CHD2: variants seen among roughly 807,000 people sequenced by gnomAD.
CHD2 encodes the protein chromodomain helicase DNA binding protein 2, also known as ATP-dependent chromatin remodeler CHD2.
A neutral mutation model predicts 243.9 loss-of-function variants in CHD2; 28 were observed. That is an observed-to-expected ratio of 0.11 (90% confidence interval 0.09 to 0.16). CHD2 has a LOEUF of 0.16. Among genes scored for constraint, CHD2 ranks in the 10% least tolerant of loss-of-function variants. The pLI, the probability that CHD2 is intolerant of heterozygous loss-of-function variation, is 1.00. For missense variants in CHD2, 1,386 were observed against 2,209.8 expected (o/e 0.63, Z 7.47); for synonymous variants, 775 against 779.0 (o/e 0.99, Z 0.09).
Position 93,016,081 on chromosome 15 carries a change from C to T in CHD2, c.4906+1172C>T, listed in dbSNP as rs1295559357. On this transcript the variant is annotated intron_variant, in intron 37 of 38. Coordinates refer to ENST00000394196, the MANE Select transcript of CHD2 (RefSeq NM_001271.4). ...TACATATTCATTGCAGCATTATTTA[C>T]GATAGCCAAGATACGTAATCATCCT... Among the ~76,000 whole-genome samples, 6 of 152,138 alleles carry T rather than the reference C, an allele frequency of 3.9e-5. No individual in the cohort carries two copies. In the South Asian group the frequency reaches 8.3e-4, roughly 21 times the overall value.
intron 10 of CHD2, chr15:92,944,818 A>T (rs1380285368): frequency 5.8e-6 from 1 of 173,366 alleles, no homozygotes; most frequent in Non-Finnish European, 1.2e-5. Context: ...GCTTAGTTTG[A>T]TATTTGTAAG....
chr15:92,996,908 G>A, intron 28 of CHD2, 49 bp from the exon 29 acceptor site: 2 of 1,570,354 alleles, frequency 1.3e-6, no homozygotes, highest in Non-Finnish European at 8.6e-7. Flanking sequence ...GTTTTCTGTG[G>A]AACTTCTGCA....
chr15:93,024,527 T>G lies in CHD2; in HGVS notation c.5309T>G (p.Leu1770Arg). ...TACCGCTCTTTCCACACAGATAAAC[T>G]GGGGGAATATAAACAGCCTCTACCC... ...DHYRSFHTDK[L>R]GEYKQPLPPL... Residue 1770 changes from leucine (L) to arginine (R), a missense_variant, in exon 39 of 39, where the codon CTG (leucine) becomes CGG (arginine). This residue lies in a region of CHD2 where 347 missense variants were observed against 341.6 expected (regional missense o/e 1.02). Coordinates refer to ENST00000394196, the MANE Select transcript of CHD2 (RefSeq NM_001271.4). 1 of 1,614,174 alleles carries G rather than the reference T, an allele frequency of 6.2e-7. No homozygotes were observed. Among genetic ancestry groups the G allele is most frequent in the East Asian group, 2.2e-5 (1 of 44,882 alleles).
intron 12 of CHD2, among the ~76,000 whole-genome samples, chr15:92,948,299 A>G (rs1032558392): frequency 3.3e-5 from 5 of 152,160 alleles, no homozygotes; most frequent in South Asian, 2.1e-4. Context: ...GCTGGAGGCA[A>G]TGTTTTGTAC....
rs200766577 is a variant in CHD2 at position 92,998,516 on chromosome 15, A to G, written c.3903A>G (p.Thr1301=). Residue 1301 remains threonine, a synonymous_variant, in exon 31 of 39, where the codon ACA becomes ACG. Transcript: ENST00000394196. The surrounding 1 kb of genome is among the most constrained non-coding windows in gnomAD (Gnocchi z 5.1). ...KLTDKILPVE[T]DKKPQGKQLQ... The stretch of plus-strand genomic sequence containing the variant: ...TGTTGAAGATTCTGCCGGTGGAGAC[A>G]GATAAAAAGCCTCAGGGGAAGCAGC... The G allele has an allele frequency of 3.1e-6, 5 of 1,613,960 alleles. No homozygotes were observed. Among genetic ancestry groups the G allele is most frequent in the East Asian group, 2.2e-5 (1 of 44,860 alleles).
At chr15:92,914,066 C>T (rs1390146580) in intron 2 of CHD2, among the ~76,000 whole-genome samples, 1 of 152,154 alleles carries the variant, frequency 6.6e-6, no homozygotes, top group African/African-American at 2.4e-5. Flanking sequence ...TTGCTGAAAG[C>T]ACCATATATT....
At chr15:93,020,385 C>CACAGCGAATCCCATGCACATG in intron 38 of CHD2, 127 bp downstream of exon 38, 1 of 1,178,006 alleles carries the variant, frequency 8.5e-7, no homozygotes, top group Non-Finnish European at 1.2e-6. Context: ...CATGTGTCAG[C>CACAGCGAATCCCATGCACATG]CACAGCGAAT....
At chr15:93,008,516 G>C (rs966178168) in intron 34 of CHD2, among the ~76,000 whole-genome samples, 2 of 152,172 alleles carry the variant, frequency 1.3e-5, no homozygotes, top group African/African-American at 2.4e-5. Context: ...GTTCTAGGCT[G>C]TCTTCCCTCC....
chr15:92,936,383 C>T (rs1488523805), intron 5 of CHD2, among the ~76,000 whole-genome samples: 1 of 152,248 alleles, frequency 6.6e-6, no homozygotes, highest in Non-Finnish European at 1.5e-5. Flanking sequence ...AAGCCCCAGG[C>T]ACTTGCCTGT....
intron 12 of CHD2, 101 bp from the exon 13 acceptor site, chr15:92,948,851 T>G: frequency 7.3e-7 from 1 of 1,375,164 alleles, no homozygotes. Context: ...AAAAAGAAAT[T>G]TGAGTTTTTA....
At position 92,998,642 on chromosome 15, in the gene CHD2, T is replaced by G. The variant is rs1010927766; in HGVS notation, c.4008+21T>G. ...AAGAGGTGAGTACGCTGCCAGCTGG[T>G]TGTTTTTCAGGGGCCTGAGGCTCCT... On this transcript the variant is annotated intron_variant, in intron 31 of 38. Transcript: ENST00000394196. This position sits in a 1 kb window ranked among gnomAD's most constrained non-coding sequence, Gnocchi z 5.1. 2 of 1,607,982 alleles carry G rather than the reference T, an allele frequency of 1.2e-6. No homozygotes were observed. The highest frequency in any genetic ancestry group is 1.7e-6 in the Non-Finnish European group (2 of 1,176,764).
intron 19 of CHD2, among the ~76,000 whole-genome samples, chr15:92,973,294 T>G (rs922433149): frequency 6.6e-6 from 1 of 152,242 alleles, no homozygotes; most frequent in African/African-American, 2.4e-5. Flanking sequence ...TTCCGCATAG[T>G]AACATTTTTC....
intron 5 of CHD2, among the ~76,000 whole-genome samples, chr15:92,936,505 A>C (rs1448588102): frequency 6.6e-6 from 1 of 152,190 alleles, no homozygotes; most frequent in East Asian, 1.9e-4. Context: ...TTTTCAAGTA[A>C]ACTAAAACTG....
At chr15:93,012,717 C>T (rs1184422764) in intron 36 of CHD2, among the ~76,000 whole-genome samples, 3 of 152,214 alleles carry the variant, frequency 2.0e-5, no homozygotes, top group African/African-American at 7.2e-5. Context: ...TTCTTCTGTA[C>T]ATGTCAGTAG....
intron 25 of CHD2, 67 bp from the exon 26 acceptor site, chr15:92,985,431 C>T: frequency 6.8e-7 from 1 of 1,471,270 alleles, no homozygotes. Context: ...AGATGGCCTT[C>T]TCTTAGTCCT....
In CHD2 at chr15:92,998,376, A is replaced by G. The variant is rs953704742; in HGVS notation, c.3886-123A>G. 4.1e-6 allele frequency: 6 copies of G among 1,460,668 alleles called. No homozygotes were observed. The highest frequency in any genetic ancestry group is 5.5e-6 in the Non-Finnish European group (6 of 1,081,692). 90.5% of individuals were successfully genotyped at this position (1,460,668 alleles called of 1,614,324 possible). A position where few individuals can be genotyped will look rare whatever the true frequency, so the allele number is the denominator to read the frequency against. ...GACATGAGATAGGATCTGAGGCTTTATCTATATTTTGGGTGGTTGGGGAGG... is the reference window on the plus strand; with the variant it reads ...GACATGAGATAGGATCTGAGGCTTTGTCTATATTTTGGGTGGTTGGGGAGG... On this transcript the variant is annotated intron_variant, in intron 30 of 38. Coordinates refer to ENST00000394196, the MANE Select transcript of CHD2 (RefSeq NM_001271.4). This position sits in a 1 kb window ranked among gnomAD's most constrained non-coding sequence, Gnocchi z 5.1.
intron 24 of CHD2, among the ~76,000 whole-genome samples, chr15:92,983,572 G>T (rs1389289423): frequency 6.6e-6 from 1 of 152,184 alleles, no homozygotes; most frequent in Non-Finnish European, 1.5e-5. Flanking sequence ...GCTGGGGGCT[G>T]CCTGCCACTG....
rs2054583953 is a variant in CHD2 at position 93,025,967 on chromosome 15, A to T, written c.*1262A>T. ...TTAGAATATAATCAGGTATAAACCT[A>T]AGTTAAACTTTTTCCCAAACAAGGA... On this transcript the variant is annotated 3_prime_UTR_variant, in exon 39 of 39. Coordinates refer to ENST00000394196, the MANE Select transcript of CHD2 (RefSeq NM_001271.4). 1 of 152,658 alleles carries T rather than the reference A, an allele frequency of 6.6e-6. No homozygotes were observed. Among genetic ancestry groups the T allele is most frequent in the Non-Finnish European group, 1.5e-5 (1 of 68,052 alleles). 9.5% of individuals were successfully genotyped at this position (152,658 alleles called of 1,614,324 possible). A position where few individuals can be genotyped will look rare whatever the true frequency, so the allele number is the denominator to read the frequency against.
intron 5 of CHD2, among the ~76,000 whole-genome samples, chr15:92,935,902 C>G (rs1259444310): frequency 6.6e-6 from 1 of 152,084 alleles, no homozygotes; most frequent in Non-Finnish European, 1.5e-5. Context: ...ACCCGTCTGA[C>G]TGATAGACTA....
Sources: allele counts gnomAD v4.1 joint callset (sites outside exome capture counted in the v4.1 genomes callset), GRCh38; gene constraint gnomAD v4.1.1; regional missense constraint gnomAD v4.1.1; non-coding constraint Gnocchi (gnomAD v3.1); transcripts MANE v1.5; gene names NCBI Gene and HGNC (gene_info 2026-07-23, HGNC 2026-07-21).